TMC2: variants seen among roughly 807,000 people sequenced by gnomAD.
TMC2 encodes transmembrane channel-like protein 2.
A neutral mutation model predicts 105.9 loss-of-function variants in TMC2; 102 were observed. The observed-to-expected ratio is 0.96, with a 90% confidence interval of 0.82 to 1.14. The LOEUF (loss-of-function observed/expected upper bound fraction) is 1.14, where lower values mean the gene tolerates loss of function less well. TMC2 is among the 50% of genes most tolerant of loss of function. The pLI is 0.00. For missense variants in TMC2, 1,093 were observed against 1,134.3 expected (o/e 0.96, Z 0.52); for synonymous variants, 402 against 422.8 (o/e 0.95, Z 0.60).
At chr20:2,568,410 G>A (rs538844374) in intron 4 of TMC2, among the ~76,000 whole-genome samples, 18 of 152,296 alleles carry the variant, frequency 1.2e-4, no homozygotes, top group African/African-American at 4.3e-4. Context: ...TCTTCACAGT[G>A]ACTGGTCTTC....
chr20:2,574,080 C>T (rs185760043), intron 5 of TMC2, among the ~76,000 whole-genome samples: 15 of 152,228 alleles, frequency 9.9e-5, no homozygotes, highest in Admixed American at 9.2e-4. Context: ...GAGTTGATGG[C>T]TTGAAATAGA....
At position 2,641,564 on chromosome 20, in the gene TMC2, A is replaced by G. The variant is rs977721208; in HGVS notation, c.*213A>G. 4.1e-5 allele frequency: 23 copies of G among 556,730 alleles called. No homozygotes were observed. The highest frequency in any genetic ancestry group is 3.0e-4 in the South Asian group (13 of 43,372). 34.5% of individuals were successfully genotyped at this position (556,730 alleles called of 1,614,324 possible). A position where few individuals can be genotyped will look rare whatever the true frequency, so the allele number is the denominator to read the frequency against. On this transcript the variant is annotated 3_prime_UTR_variant, in exon 20 of 20. Transcript: ENST00000358864. The stretch of plus-strand genomic sequence containing the variant: ...CCTGTCCTTTAGGGAAGCTGGAGCC[A>G]TCTCTGCACTAACTGCCCTCCCAAA...
At chr20:2,587,014 T>C (rs1190774235) in intron 7 of TMC2, among the ~76,000 whole-genome samples, 2 of 152,198 alleles carry the variant, frequency 1.3e-5, no homozygotes, top group African/African-American at 4.8e-5. Flanking sequence ...GTGATCATAG[T>C]GTATATTTTG....
At position 2,616,098 on chromosome 20, in the gene TMC2, T is replaced by C. The variant is rs1314130643; in HGVS notation, c.1873-39T>C. The C allele has an allele frequency of 1.3e-6, 2 of 1,572,844 alleles. No homozygotes were observed. Among genetic ancestry groups the C allele is most frequent in the Admixed American group, 1.7e-5 (1 of 59,398 alleles). On this transcript the variant is annotated intron_variant, in intron 14 of 19. Coordinates refer to ENST00000358864, the MANE Select transcript of TMC2 (RefSeq NM_080751.3). This position sits in a 1 kb window ranked among gnomAD's most constrained non-coding sequence, Gnocchi z 4.8. ...GCTGAATTCACCAAACGTGCTTTTT[T>C]TTTTCTCTCTCTCTCTCGCTCCCTC...
chr20:2,540,656 CAAAAA>C (rs10657326), intron 2 of TMC2, among the ~76,000 whole-genome samples: 1 of 108,444 alleles, frequency 9.2e-6, no homozygotes. Flanking sequence ...GAGGGACTCT[CAAAAA>C]AAAAAAAAAA....
chr20:2,601,205 A>G (rs1415565989), intron 10 of TMC2, among the ~76,000 whole-genome samples: 1 of 152,268 alleles, frequency 6.6e-6, no homozygotes, highest in Non-Finnish European at 1.5e-5. Context: ...CCCACAGGCC[A>G]AATCCAGCCT....
intron 18 of TMC2, 76 bp downstream of exon 18, chr20:2,636,080 GC>G: frequency 1.6e-6 from 2 of 1,250,810 alleles, no homozygotes; most frequent in Non-Finnish European, 2.3e-6. Flanking sequence ...TGCTGTGTGA[GC>G]CCAGCTGTGT....
At chr20:2,551,550 G>A (rs1263466089) in intron 2 of TMC2, among the ~76,000 whole-genome samples, 1 of 151,956 alleles carries the variant, frequency 6.6e-6, no homozygotes, top group Non-Finnish European at 1.5e-5. Flanking sequence ...CATTTATGCT[G>A]TGGTATTTTA....
At chr20:2,609,294 G>T (rs2086417011) in intron 11 of TMC2, among the ~76,000 whole-genome samples, 2 of 152,252 alleles carry the variant, frequency 1.3e-5, no homozygotes, top group South Asian at 4.1e-4. Context: ...CTCCTGACCT[G>T]GTCAGAATGG....
Position 2,558,478 on chromosome 20 carries a change from C to A in TMC2, c.105C>A (p.Ser35=). The change falls in exon 3 of 20, where the codon TCC becomes TCA. Residue 35 remains serine, a synonymous_variant. Transcript: ENST00000358864. The surrounding 1 kb of genome is among the most constrained non-coding windows in gnomAD (Gnocchi z 4.6). Reference sequence around the variant, plus strand: ...CAGGTGACAGGCTGGGAAGGAGATCCTCAAGCAAGCGGGCTCTCAAAGCCG... The same window carrying A: ...CAGGTGACAGGCTGGGAAGGAGATCATCAAGCAAGCGGGCTCTCAAAGCCG... ...PHTGDRLGRR[S]SSKRALKAEG... The A allele has an allele frequency of 6.4e-7, 1 of 1,558,518 alleles. No homozygotes were observed. The highest frequency in any genetic ancestry group is 8.7e-7 in the Non-Finnish European group (1 of 1,151,332).
intron 5 of TMC2, among the ~76,000 whole-genome samples, chr20:2,576,838 G>C (rs1157856738): frequency 1.3e-5 from 2 of 151,920 alleles, no homozygotes; most frequent in Non-Finnish European, 2.9e-5. Context: ...TCTCTTTATA[G>C]GCAGACCTAC....
intron 7 of TMC2, among the ~76,000 whole-genome samples, chr20:2,582,812 A>G (rs1452476044): frequency 1.3e-5 from 2 of 152,034 alleles, no homozygotes; most frequent in Non-Finnish European, 2.9e-5. Context: ...CCTTATATTC[A>G]TTTTCCTTTT....
intron 8 of TMC2, among the ~76,000 whole-genome samples, chr20:2,594,225 CTTTTTTTT>C (rs565664102): frequency 8.8e-6 from 1 of 113,760 alleles, no homozygotes; most frequent in Non-Finnish European, 1.8e-5. Flanking sequence ...CTAAGGATTC[CTTTTTTTT>C]TTTTTTTTTT....
At chr20:2,610,379 T>C (rs981141222) in intron 11 of TMC2, 40 bp from the exon 12 acceptor site, 5 of 1,566,732 alleles carry the variant, frequency 3.2e-6, no homozygotes, top group Non-Finnish European at 4.3e-6. Context: ...CAAACAAGTA[T>C]AATGTTGATG....
chr20:2,623,809 G>A (rs182466962), intron 16 of TMC2, among the ~76,000 whole-genome samples: 63 of 152,288 alleles, frequency 4.1e-4, no homozygotes, highest in Non-Finnish European at 6.9e-4. Context: ...ATATCTCCTA[G>A]ACTTAAAATC....
intron 17 of TMC2, among the ~76,000 whole-genome samples, chr20:2,629,528 G>GT (rs998312965): frequency 5.9e-5 from 1 of 16,878 alleles, no homozygotes; most frequent in African/African-American, 1.9e-4. Context: ...TCTTACAGAA[G>GT]TAAAAAAAAA....
At chr20:2,570,194 A>C (rs2122853040) in intron 4 of TMC2, among the ~76,000 whole-genome samples, 1 of 152,302 alleles carries the variant, frequency 6.6e-6, no homozygotes, top group Non-Finnish European at 1.5e-5. Context: ...GTAGGAAAAG[A>C]AGTCAAAGTA....
At chr20:2,623,548 AAGAC>A (rs1306484074) in intron 16 of TMC2, among the ~76,000 whole-genome samples, 11 of 152,008 alleles carry the variant, frequency 7.2e-5, no homozygotes, top group South Asian at 4.2e-4. Flanking sequence ...AAAAAAAAAA[AAGAC>A]AGAGAGAGAG....
intron 14 of TMC2, among the ~76,000 whole-genome samples, chr20:2,615,901 GA>G (rs1161569121): frequency 6.6e-6 from 1 of 152,172 alleles, no homozygotes; most frequent in Non-Finnish European, 1.5e-5. Flanking sequence ...TTTGTTTACT[GA>G]AATAGGCATT....
Sources: gnomAD v4.1 joint callset for allele counts (sites outside exome capture counted in the v4.1 genomes callset) on GRCh38, gnomAD v4.1.1 for gene constraint, Gnocchi (gnomAD v3.1) non-coding constraint, MANE v1.5 for transcripts, NCBI Gene and HGNC (gene_info 2026-07-23, HGNC 2026-07-21) for gene names.